Variants in PARD3B observed in about 807,000 individuals in gnomAD.
The protein encoded by PARD3B is partitioning defective 3 homolog B.
In PARD3B, 103 loss-of-function variants were observed where a neutral mutation model predicts 130.2. The observed-to-expected ratio is 0.79, with a 90% confidence interval of 0.67 to 0.93. The LOEUF (loss-of-function observed/expected upper bound fraction) is 0.93, where lower values mean the gene tolerates loss of function less well. Ranked by LOEUF, PARD3B falls within the 40% of genes least tolerant of loss-of-function variation. The pLI, the probability that PARD3B is intolerant of heterozygous loss-of-function variation, is 0.00. For missense variants in PARD3B, 1,609 were observed against 1,499.2 expected, an observed-to-expected ratio of 1.07 and a Z score of -1.21; for synonymous variants, 583 against 553.2, an observed-to-expected ratio of 1.05 and a Z score of -0.76.
chr2:204,796,214 G>T (rs948305515), intron 2 of PARD3B, among the ~76,000 whole-genome samples: 1 of 152,098 alleles, frequency 6.6e-6, no homozygotes, highest in African/African-American at 2.4e-5. Flanking sequence ...CCTCTACCAG[G>T]GTGGTCTTGC....
intron 1 of PARD3B, among the ~76,000 whole-genome samples, chr2:204,556,978 A>G (rs1229916685): frequency 6.6e-6 from 1 of 151,634 alleles, no homozygotes; most frequent in Non-Finnish European, 1.5e-5. Context: ...CCCACCTTTT[A>G]AAACTCTCTA....
At chr2:204,994,074 T>G (rs1290373007) in intron 3 of PARD3B, among the ~76,000 whole-genome samples, 19 of 149,840 alleles carry the variant, frequency 1.3e-4, no homozygotes, top group African/African-American at 4.4e-4. Flanking sequence ...TGTGTCTCTA[T>G]TTCCTTCAGT....
At chr2:204,565,004 G>A (rs1434590295) in intron 1 of PARD3B, among the ~76,000 whole-genome samples, 3 of 152,164 alleles carry the variant, frequency 2.0e-5, no homozygotes, top group African/African-American at 4.8e-5. Context: ...TCAAGATATC[G>A]CCTAGGCTAT....
chr2:205,512,797 C>G (rs2050636301), intron 21 of PARD3B, among the ~76,000 whole-genome samples: 1 of 152,120 alleles, frequency 6.6e-6, no homozygotes, highest in Non-Finnish European at 1.5e-5. Context: ...CAATCCCCAT[C>G]ATGACCTGGT....
chr2:205,463,010 G>T lies in PARD3B; in HGVS notation c.3044+22338G>T, dbSNP rs767264266. ...CCTGTAAAATTGTGAGTTCCCTGTG[G>T]GCTCTAATAATCAGAGTCCTAGTTA... On this transcript the variant is annotated intron_variant, in intron 20 of 22. Transcript: ENST00000406610. The surrounding 1 kb of genome is among the most constrained non-coding windows in gnomAD (Gnocchi z 4.8). Among the ~76,000 whole-genome samples the T allele has an allele frequency of 2.0e-5, 3 of 152,084 alleles. No individual in the cohort carries two copies. The highest frequency in any genetic ancestry group is 4.4e-5 in the Non-Finnish European group (3 of 68,030).
intron 2 of PARD3B, among the ~76,000 whole-genome samples, chr2:204,729,998 AACACACACACAC>A (rs3036396): frequency 1.2e-4 from 17 of 141,462 alleles, no homozygotes; most frequent in South Asian, 4.6e-4. Flanking sequence ...CACACACACA[AACACACACACAC>A]ACACACACAC....
At chr2:205,138,145 T>C (rs2125664790) in intron 10 of PARD3B, among the ~76,000 whole-genome samples, 1 of 152,300 alleles carries the variant, frequency 6.6e-6, no homozygotes, top group African/African-American at 2.4e-5. Flanking sequence ...GAATGGTCGT[T>C]TAATTTCTTG....
chr2:204,919,216 A>G (rs935450173), intron 2 of PARD3B, among the ~76,000 whole-genome samples: 2 of 152,166 alleles, frequency 1.3e-5, no homozygotes, highest in Non-Finnish European at 2.9e-5. Flanking sequence ...TTTAGCATGC[A>G]TATCATTAGC....
intron 16 of PARD3B, among the ~76,000 whole-genome samples, chr2:205,297,273 G>GA (rs542203299): frequency 6.4e-4 from 95 of 148,348 alleles, no homozygotes; most frequent in African/African-American, 1.4e-3. Flanking sequence ...TGAAAGCCTA[G>GA]AAAAAAAAAA....
chr2:204,975,354 A>G (rs1329870207), intron 3 of PARD3B, among the ~76,000 whole-genome samples: 1 of 152,184 alleles, frequency 6.6e-6, no homozygotes. Flanking sequence ...AAGTCTCTCC[A>G]TGACTACCAA....
rs568149431 is a variant in PARD3B, at chr2:205,407,055, C to A, written c.2741+5932C>A. ...TCCAGTATGAGAAATATCTAAATAT[C>A]TTAAGTATGGAAGCATTTACTTTTA... is the stretch of plus-strand genomic sequence containing the variant. On this transcript the variant is annotated intron_variant, in intron 19 of 22. Coordinates refer to ENST00000406610, the MANE Select transcript of PARD3B (RefSeq NM_001302769.2). The surrounding 1 kb of genome is among the most constrained non-coding windows in gnomAD (Gnocchi z 4.1). 2.0e-5 allele frequency among the ~76,000 whole-genome samples: 3 copies of A among 152,132 alleles called. No individual in the cohort carries two copies. Among genetic ancestry groups the A allele is most frequent in the Non-Finnish European group, 4.4e-5 (3 of 68,028 alleles).
At chr2:205,415,962 C>T (rs995205936) in intron 19 of PARD3B, among the ~76,000 whole-genome samples, 3 of 152,116 alleles carry the variant, frequency 2.0e-5, no homozygotes, top group African/African-American at 7.2e-5. Context: ...ACATATGCAA[C>T]TATGTAGACA....
At position 205,473,956 on chromosome 2, in the gene PARD3B, A is replaced by T. The variant is rs2048939075; in HGVS notation, c.3045-25940A>T. Among the ~76,000 whole-genome samples, 1 of 151,564 alleles carries T rather than the reference A, an allele frequency of 6.6e-6. No individual in the cohort carries two copies. Among genetic ancestry groups the T allele is most frequent in the South Asian group, 2.1e-4 (1 of 4,820 alleles). On this transcript the variant is annotated intron_variant, in intron 20 of 22. Transcript: ENST00000406610. This position sits in a 1 kb window ranked among gnomAD's most constrained non-coding sequence, Gnocchi z 4.9. ...TGCCATGTGAAATTTAGAGTAACTC[A>T]TATTGGTAGGTTTCATTATGGGTCA...
chr2:204,950,458 G>A (rs1480168101), intron 2 of PARD3B, among the ~76,000 whole-genome samples: 1 of 152,170 alleles, frequency 6.6e-6, no homozygotes, highest in Non-Finnish European at 1.5e-5. Context: ...CAACCTTGAA[G>A]GATTCTAAGA....
chr2:205,144,189 A>G (rs2033180288), intron 10 of PARD3B, among the ~76,000 whole-genome samples: 1 of 152,148 alleles, frequency 6.6e-6, no homozygotes, highest in Admixed American at 6.5e-5. Flanking sequence ...TCTTCCTTTT[A>G]TCATGTGATA....
chr2:205,501,313 A>G (rs1307265174), intron 21 of PARD3B, among the ~76,000 whole-genome samples: 1 of 152,160 alleles, frequency 6.6e-6, no homozygotes, highest in African/African-American at 2.4e-5. Context: ...GCCTGAGACT[A>G]TGGATCGGAA....
At chr2:204,965,076 A>T (rs1049056715) in intron 2 of PARD3B, 76 bp from the exon 3 acceptor site, 1 of 1,397,938 alleles carries the variant, frequency 7.2e-7, no homozygotes, top group Admixed American at 2.5e-5. Flanking sequence ...CCAAATAAAG[A>T]TCACGTTCAG....
chr2:205,425,095 C>T (rs2047099220), intron 19 of PARD3B, among the ~76,000 whole-genome samples: 1 of 152,150 alleles, frequency 6.6e-6, no homozygotes, highest in Non-Finnish European at 1.5e-5. Context: ...GCCTAGGGAA[C>T]ATCATTTAAT....
intron 19 of PARD3B, among the ~76,000 whole-genome samples, chr2:205,408,425 T>C (rs1249137594): frequency 6.6e-6 from 1 of 152,136 alleles, no homozygotes; most frequent in East Asian, 1.9e-4. Flanking sequence ...GAAATTGAAA[T>C]GAAAACCAGA....
Sources: gnomAD v4.1 joint callset for allele counts (sites outside exome capture counted in the v4.1 genomes callset) on GRCh38, gnomAD v4.1.1 for gene constraint, Gnocchi (gnomAD v3.1) non-coding constraint, MANE v1.5 for transcripts, NCBI Gene and HGNC (gene_info 2026-07-23, HGNC 2026-07-21) for gene names.